Variants in SDCCAG8 observed in about 807,000 individuals in gnomAD.
SDCCAG8 encodes serologically defined colon cancer antigen 8.
Under a neutral mutation model 101.8 loss-of-function variants are expected in SDCCAG8, and 74 were observed. The ratio of observed to expected loss-of-function variants is 0.73; its 90% CI spans 0.60 to 0.88. The LOEUF is 0.88. Ranked by LOEUF, SDCCAG8 falls within the 40% of genes least tolerant of loss-of-function variation. The pLI is 0.00. For synonymous variants in SDCCAG8, 281 were observed against 292.9 expected, an observed-to-expected ratio of 0.96 and a Z score of 0.41; for missense variants, 787 against 822.6, an observed-to-expected ratio of 0.96 and a Z score of 0.53.
At chr1:243,329,265 A>G (rs10926991) in intron 9 of SDCCAG8, among the ~76,000 whole-genome samples, 45,362 of 151,988 alleles carry the variant, frequency 0.3, 6,836 homozygotes, top group South Asian at 0.45. Flanking sequence ...TTATTAGTTA[A>G]TCTGAGACAA....
chr1:243,349,956 A>G (rs2075990786), intron 12 of SDCCAG8, among the ~76,000 whole-genome samples: 1 of 152,110 alleles, frequency 6.6e-6, no homozygotes. Flanking sequence ...AGGGTGGGGT[A>G]TCTCTGCAAA....
intron 17 of SDCCAG8, among the ~76,000 whole-genome samples, chr1:243,499,039 G>T (rs975419766): frequency 2.0e-5 from 3 of 152,222 alleles, no homozygotes; most frequent in Non-Finnish European, 4.4e-5. Flanking sequence ...AACATTTCCA[G>T]TGGCTTCTGA....
At chr1:243,277,433 A>G (rs145942625) in intron 4 of SDCCAG8, among the ~76,000 whole-genome samples, 134 of 152,320 alleles carry the variant, frequency 8.8e-4, no homozygotes, top group African/African-American at 2.3e-3. Context: ...TATTCCACCT[A>G]TGTAACATCT....
chr1:243,337,404 C>A (rs1275626202), intron 10 of SDCCAG8, among the ~76,000 whole-genome samples: 1 of 152,132 alleles, frequency 6.6e-6, no homozygotes, highest in Admixed American at 6.5e-5. Context: ...CCCTAGTAAG[C>A]CCTGGCTGAC....
intron 12 of SDCCAG8, among the ~76,000 whole-genome samples, chr1:243,359,721 C>T (rs534136005): frequency 1.1e-4 from 16 of 152,284 alleles, no homozygotes; most frequent in Admixed American, 1.3e-4. Flanking sequence ...CAGAGGAGAC[C>T]TACGGCAGAT....
chr1:243,458,637 T>C lies in SDCCAG8; in HGVS notation c.1986-30377T>C, dbSNP rs1348667971. On this transcript the variant is annotated intron_variant, in intron 16 of 17. Coordinates refer to ENST00000366541, the MANE Select transcript of SDCCAG8 (RefSeq NM_006642.5). The surrounding 1 kb of genome is among the most constrained non-coding windows in gnomAD (Gnocchi z 4.5). ...CAGGCTGAAGGTCACACAGCTACTATGTGATAGATGCCAAACGTGAACCTG... is the reference window on the plus strand; with the variant it reads ...CAGGCTGAAGGTCACACAGCTACTACGTGATAGATGCCAAACGTGAACCTG... Among the ~76,000 whole-genome samples the C allele has an allele frequency of 6.6e-6, 1 of 152,170 alleles. No homozygotes were observed. Among genetic ancestry groups the C allele is most frequent in the Non-Finnish European group, 1.5e-5 (1 of 68,032 alleles).
chr1:243,304,307 A>C (rs1450393571), intron 6 of SDCCAG8, among the ~76,000 whole-genome samples: 3 of 152,224 alleles, frequency 2.0e-5, no homozygotes, highest in African/African-American at 7.2e-5. Context: ...GTCTATCATC[A>C]TGTGATATAA....
At chr1:243,355,762 C>T (rs145987950) in intron 12 of SDCCAG8, among the ~76,000 whole-genome samples, 1 of 152,288 alleles carries the variant, frequency 6.6e-6, no homozygotes, top group African/African-American at 2.4e-5. Context: ...CATGCCACCA[C>T]ACCCGGCTAA....
At chr1:243,327,213 G>T (rs1365245120) in intron 9 of SDCCAG8, among the ~76,000 whole-genome samples, 1 of 151,188 alleles carries the variant, frequency 6.6e-6, no homozygotes, top group Non-Finnish European at 1.5e-5. Context: ...CACCTATAAA[G>T]ATCTATCATT....
chr1:243,325,709 T>C (rs1391339109), intron 9 of SDCCAG8, among the ~76,000 whole-genome samples: 1 of 152,192 alleles, frequency 6.6e-6, no homozygotes, highest in African/African-American at 2.4e-5. Context: ...TTGGGCAAGT[T>C]ACTGAATGTC....
intron 15 of SDCCAG8, among the ~76,000 whole-genome samples, chr1:243,420,319 C>T (rs1270768009): frequency 6.6e-6 from 1 of 152,224 alleles, no homozygotes; most frequent in East Asian, 1.9e-4. Flanking sequence ...CATACATACA[C>T]GTATCAAGTG....
chr1:243,440,586 A>G (rs2148091333), intron 16 of SDCCAG8, among the ~76,000 whole-genome samples: 1 of 152,318 alleles, frequency 6.6e-6, no homozygotes. Flanking sequence ...AGCTGTGTGT[A>G]AGGCCCTGTA....
At chr1:243,355,843 C>G (rs1006920248) in intron 12 of SDCCAG8, among the ~76,000 whole-genome samples, 2 of 152,162 alleles carry the variant, frequency 1.3e-5, no homozygotes, top group African/African-American at 4.8e-5. Flanking sequence ...CTCCTGAGCT[C>G]AAGCCATCCC....
intron 13 of SDCCAG8, among the ~76,000 whole-genome samples, chr1:243,403,855 GTAA>G (rs2079570006): frequency 6.6e-6 from 1 of 152,186 alleles, no homozygotes; most frequent in Admixed American, 6.5e-5. Context: ...ATGTTACAGT[GTAA>G]TAATAATAGA....
chr1:243,276,734 A>G lies in SDCCAG8; in HGVS notation c.420+2078A>G, dbSNP rs2068605098. Reference sequence around the variant, plus strand: ...TGTATAATGACATATATCCACCATTACAGTATCATATAGAATAGTTTCACT... The same window carrying G: ...TGTATAATGACATATATCCACCATTGCAGTATCATATAGAATAGTTTCACT... On this transcript the variant is annotated intron_variant, in intron 4 of 17. Transcript: ENST00000366541. Among the ~76,000 whole-genome samples the G allele has an allele frequency of 2.6e-5, 4 of 152,162 alleles. No homozygotes were observed. In the South Asian group the frequency reaches 8.3e-4, roughly 31 times the overall value.
At chr1:243,395,063 T>TA (rs1320473858) in intron 13 of SDCCAG8, among the ~76,000 whole-genome samples, 10 of 152,254 alleles carry the variant, frequency 6.6e-5, no homozygotes, top group African/African-American at 2.2e-4. Flanking sequence ...TATGGAAAAG[T>TA]GTATGTGTGT....
Position 243,344,234 on chromosome 1 carries a change from A to G in SDCCAG8, c.1376A>G (p.Tyr459Cys), listed in dbSNP as rs770633078. 1 of 1,613,084 alleles carries G rather than the reference A, an allele frequency of 6.2e-7. No individual in the cohort carries two copies. Among genetic ancestry groups the G allele is most frequent in the Non-Finnish European group, 8.5e-7 (1 of 1,179,058 alleles). The change falls in exon 12 of 18, where the codon TAT (tyrosine) becomes TGT (cysteine). Residue 459 changes from tyrosine to cysteine, a missense_variant. Transcript: ENST00000366541. ...TAACAGGTGTGTGGAGAAATGCGCT[A>G]TCAGCTGAATAAAACCAACATGGAG... ...DVTKVCGEMRYQLNKTNMEKD... is the reference protein window; with the variant it reads ...DVTKVCGEMRCQLNKTNMEKD...
intron 6 of SDCCAG8, among the ~76,000 whole-genome samples, chr1:243,296,687 C>T (rs1420113279): frequency 7.9e-5 from 12 of 151,336 alleles, no homozygotes; most frequent in East Asian, 1.9e-4. Context: ...GGACTACAGG[C>T]GCCCGCCACT....
chr1:243,270,356 T>C (rs2067987119), intron 2 of SDCCAG8, 99 bp downstream of exon 2: 4 of 1,105,706 alleles, frequency 3.6e-6, no homozygotes, highest in Non-Finnish European at 5.4e-6. Flanking sequence ...GCTGCTATGA[T>C]GTTATTCCTC....
Sources: allele counts gnomAD v4.1 joint callset (sites outside exome capture counted in the v4.1 genomes callset), GRCh38; gene constraint gnomAD v4.1.1; non-coding constraint Gnocchi (gnomAD v3.1); transcripts MANE v1.5; gene names NCBI Gene and HGNC (gene_info 2026-07-23, HGNC 2026-07-21).